CUX2: variants seen among roughly 807,000 people sequenced by gnomAD.
CUX2 encodes the protein homeobox protein cut-like 2.
A neutral mutation model predicts 144.8 loss-of-function variants in CUX2; 40 were observed. The observed-to-expected ratio is 0.28, with a 90% CI of 0.21 to 0.36. The LOEUF (loss-of-function observed/expected upper bound fraction) is 0.36, where lower values mean the gene tolerates loss of function less well. Ranked by LOEUF, CUX2 falls within the 10% of genes least tolerant of loss-of-function variation. The probability of loss-of-function intolerance (pLI) is 1.00; values close to 1 mark genes in which losing one functional copy is unlikely to be tolerated. For missense variants in CUX2, 1,615 were observed against 1,994.0 expected, an observed-to-expected ratio of 0.81 and a Z score of 3.62; for synonymous variants, 827 against 875.6, an observed-to-expected ratio of 0.94 and a Z score of 0.98.
intron 1 of CUX2, among the ~76,000 whole-genome samples, chr12:111,056,951 G>A (rs1311874521): frequency 6.6e-6 from 1 of 152,080 alleles, no homozygotes; most frequent in Non-Finnish European, 1.5e-5. Context: ...AGCCAAGTAG[G>A]GAGTGGGTGT....
At chr12:111,334,351 A>G (rs1389408192) in intron 18 of CUX2, 90 bp from the exon 19 acceptor site, 2 of 1,414,948 alleles carry the variant, frequency 1.4e-6, no homozygotes, top group Non-Finnish European at 1.9e-6. Context: ...GGTGTTTGGC[A>G]ACTCTTGGCT....
At chr12:111,321,627 A>G (rs1464614563) in intron 17 of CUX2, among the ~76,000 whole-genome samples, 1 of 152,048 alleles carries the variant, frequency 6.6e-6, no homozygotes, top group East Asian at 1.9e-4. Flanking sequence ...GGCTACAGTG[A>G]GCCATGATCA....
In CUX2 at chr12:111,035,844, G is replaced by A. The variant is rs913905443; in HGVS notation, c.63+1604G>A. 6.6e-6 allele frequency among the ~76,000 whole-genome samples: 1 copy of A among 152,086 alleles called. No homozygotes were observed. The highest frequency in any genetic ancestry group is 1.5e-5 in the Non-Finnish European group (1 of 68,032). On this transcript the variant is annotated intron_variant, in intron 1 of 21. Transcript: ENST00000261726. This position sits in a 1 kb window ranked among gnomAD's most constrained non-coding sequence, Gnocchi z 6.0. ...GCCTTGCAATTCCGGGTCCGCACTC[G>A]AGTTGGGGCTACAGTTTGGTGGCCA...
rs544796628 is a variant in CUX2 at position 111,277,178 on chromosome 12, C to T, written c.301+13339C>T. ...GCCCAGAAACTCACATATGGAGGGC[C>T]GCAGCCCACTCTGAACCCAGCTGCC... On this transcript the variant is annotated intron_variant, in intron 4 of 21. Coordinates refer to ENST00000261726, the MANE Select transcript of CUX2 (RefSeq NM_015267.4). The surrounding 1 kb of genome is among the most constrained non-coding windows in gnomAD (Gnocchi z 5.0). Among the ~76,000 whole-genome samples the T allele has an allele frequency of 1.7e-4, 26 of 152,168 alleles. No individual in the cohort carries two copies. Among genetic ancestry groups the T allele is most frequent in the African/African-American group, 6.0e-4 (25 of 41,504 alleles).
intron 16 of CUX2, among the ~76,000 whole-genome samples, chr12:111,318,238 C>CTTTTTTTTTTTT (rs955839240): frequency 4.6e-5 from 5 of 109,644 alleles, no homozygotes; most frequent in South Asian, 3.4e-4. Context: ...ATTTTTTTTT[C>CTTTTTTTTTTTT]TTTTTTCTTT....
chr12:111,211,797 G>C (rs1219825280), intron 1 of CUX2, among the ~76,000 whole-genome samples: 1 of 151,722 alleles, frequency 6.6e-6, no homozygotes, highest in Admixed American at 6.6e-5. Flanking sequence ...GGAGGCAGGA[G>C]AATGCCGTGA....
intron 3 of CUX2, among the ~76,000 whole-genome samples, chr12:111,247,961 C>T (rs1370557125): frequency 1.3e-5 from 2 of 152,242 alleles, no homozygotes; most frequent in Non-Finnish European, 2.9e-5. Context: ...GGCTAGAGTG[C>T]AGTGGTGCAA....
At chr12:111,198,124 C>T (rs1202858750) in intron 1 of CUX2, among the ~76,000 whole-genome samples, 2 of 152,050 alleles carry the variant, frequency 1.3e-5, no homozygotes, top group Non-Finnish European at 2.9e-5. Context: ...TCTTTTCATA[C>T]TCATTATTGT....
rs761088744 is a variant in CUX2, at chr12:111,310,673, C to T, written c.1891C>T (p.Arg631Trp). Residue 631 changes from arginine (R) to tryptophan (W), a missense_variant, in exon 15 of 22, where the codon CGG (arginine) becomes TGG (tryptophan). Arg to Trp is a moderately radical substitution (Grantham distance 101, BLOSUM62 -3). Transcript: ENST00000261726. The surrounding 1 kb of genome is among the most constrained non-coding windows in gnomAD (Gnocchi z 7.9). ...NVLALRTIQV[R>W]QRGSITPRIR... ...ACTGGCGCTCAGGACCATCCAAGTG[C>T]GGCAGCGAGGTGAGTGCCCAAGAGG... is the stretch of plus-strand genomic sequence containing the variant. The T allele has an allele frequency of 1.5e-5, 23 of 1,585,332 alleles. No individual in the cohort carries two copies. The highest frequency in any genetic ancestry group is 1.8e-5 in the Non-Finnish European group (21 of 1,159,540).
chr12:111,306,522 G>A (rs79043612), intron 10 of CUX2, among the ~76,000 whole-genome samples: 102 of 152,138 alleles, frequency 6.7e-4, no homozygotes, highest in East Asian at 3.5e-3. Context: ...AACGTGGTCC[G>A]TGGCTCCAAG....
At chr12:111,225,849 AACTTGGT>A (rs1882108240) in intron 3 of CUX2, among the ~76,000 whole-genome samples, 2 of 152,220 alleles carry the variant, frequency 1.3e-5, no homozygotes, top group Non-Finnish European at 2.9e-5. Context: ...TCCAGCCCAG[AACTTGGT>A]ACATAATAAG....
intron 1 of CUX2, among the ~76,000 whole-genome samples, chr12:111,199,665 T>A (rs1277180758): frequency 6.6e-6 from 1 of 152,120 alleles, no homozygotes; most frequent in East Asian, 1.9e-4. Context: ...GAGTAAGAAC[T>A]CAATTCTGCT....
chr12:111,158,722 A>G (rs1877553395), intron 1 of CUX2, among the ~76,000 whole-genome samples: 1 of 152,156 alleles, frequency 6.6e-6, no homozygotes, highest in Non-Finnish European at 1.5e-5. Context: ...AGATTATTAT[A>G]TTGAATAGGG....
At chr12:111,049,781 A>G (rs992823748) in intron 1 of CUX2, among the ~76,000 whole-genome samples, 8 of 152,226 alleles carry the variant, frequency 5.3e-5, no homozygotes, top group African/African-American at 1.9e-4. Context: ...CCTGTAGCAG[A>G]TTGGAGCCCA....
At chr12:111,147,544 C>T (rs553906818) in intron 1 of CUX2, among the ~76,000 whole-genome samples, 118 of 152,350 alleles carry the variant, frequency 7.7e-4, no homozygotes, top group African/African-American at 2.7e-3. Flanking sequence ...ATGGTTCCCA[C>T]CCTCTCGTGC....
At chr12:111,120,391 A>T (rs1007324861) in intron 1 of CUX2, among the ~76,000 whole-genome samples, 2 of 152,168 alleles carry the variant, frequency 1.3e-5, no homozygotes, top group African/African-American at 4.8e-5. Flanking sequence ...TTGTGGGTCA[A>T]ATCACGTCTC....
chr12:111,124,732 C>T lies in CUX2; in HGVS notation c.64-89468C>T, dbSNP rs138973039. ...GATGCTGAGGTTTCAGGTACAAATC[C>T]CATCACCCAGGTAATGAGTGTAGTA... is the stretch of plus-strand genomic sequence containing the variant. On this transcript the variant is annotated intron_variant, in intron 1 of 21. Coordinates refer to ENST00000261726, the MANE Select transcript of CUX2 (RefSeq NM_015267.4). 4.7e-3 allele frequency among the ~76,000 whole-genome samples: 711 copies of T among 152,190 alleles called. 9 individuals carry two copies. The highest frequency in any genetic ancestry group is 0.016 in the African/African-American group (668 of 41,518).
In CUX2 at chr12:111,334,467, C is replaced by A. The variant is rs1485751875; in HGVS notation, c.2953C>A (p.Pro985Thr). The A allele has an allele frequency of 3.1e-6, 5 of 1,606,968 alleles. No individual in the cohort carries two copies. The South Asian group carries it at 4.4e-5, about 14-fold the overall frequency. Reference protein sequence around the residue: ...QASPTEPRSSPSPPPSPTEPE... With the variant: ...QASPTEPRSSTSPPPSPTEPE... ...CAGTCCCACAGAACCAAGGTCCTCA[C>A]CATCCCCACCCCCCAGCCCCACAGA... The change falls in exon 19 of 22, where the codon CCA becomes ACA. Residue 985 changes from proline (P) to threonine (T), a missense_variant. Physicochemically the swap from Pro to Thr is conservative, Grantham distance 38 (BLOSUM62 -1). Coordinates refer to ENST00000261726, the MANE Select transcript of CUX2 (RefSeq NM_015267.4).
chr12:111,331,360 A>G (rs1888114663), intron 18 of CUX2, among the ~76,000 whole-genome samples: 1 of 152,200 alleles, frequency 6.6e-6, no homozygotes, highest in South Asian at 2.1e-4. Flanking sequence ...AGTTTCCAGC[A>G]GGTGGCAGTT....
Sources: allele counts gnomAD v4.1 joint callset (sites outside exome capture counted in the v4.1 genomes callset), GRCh38; gene constraint gnomAD v4.1.1; non-coding constraint Gnocchi (gnomAD v3.1); transcripts MANE v1.5; gene names NCBI Gene and HGNC (gene_info 2026-07-23, HGNC 2026-07-21).